KIAA1755: variants seen among roughly 807,000 people sequenced by gnomAD.
The protein encoded by KIAA1755 is KIAA1755.
Under a neutral mutation model 91.7 loss-of-function variants are expected in KIAA1755, and 68 were observed. The ratio of observed to expected loss-of-function variants is 0.74; its 90% CI spans 0.61 to 0.91. KIAA1755 has a LOEUF of 0.91. KIAA1755 is among the 40% of genes least tolerant of loss of function. KIAA1755 has a pLI of 0.00. For synonymous variants in KIAA1755, 610 were observed against 604.6 expected (o/e 1.01, Z -0.13); for missense variants, 1,535 against 1,494.4 (o/e 1.03, Z -0.45).
intron 4 of KIAA1755, among the ~76,000 whole-genome samples, chr20:38,235,682 G>A (rs2075948245): frequency 6.6e-6 from 1 of 152,214 alleles, no homozygotes; most frequent in Non-Finnish European, 1.5e-5. Context: ...ACAGCTGGAT[G>A]TAGCCTAGCG....
At chr20:38,225,605 G>T (rs759952501) in intron 8 of KIAA1755, 60 bp downstream of exon 8, 5 of 1,011,372 alleles carry the variant, frequency 4.9e-6, no homozygotes, top group South Asian at 3.8e-5. Context: ...TGGGACAGAA[G>T]AGTGAAGAGA....
chr20:38,223,187 C>T (rs2075693055), intron 9 of KIAA1755: 1 of 202,268 alleles, frequency 4.9e-6, no homozygotes, highest in Non-Finnish European at 1.0e-5. Flanking sequence ...TCAACTTAAA[C>T]TCCAGCTCTT....
intron 2 of KIAA1755, among the ~76,000 whole-genome samples, chr20:38,245,646 T>C (rs1352883180): frequency 6.6e-6 from 1 of 152,110 alleles, no homozygotes; most frequent in Non-Finnish European, 1.5e-5. Flanking sequence ...CAGGGCAGGC[T>C]CCCCAAGACC....
At chr20:38,254,689 G>T (rs990651596) in intron 1 of KIAA1755, among the ~76,000 whole-genome samples, 1 of 151,824 alleles carries the variant, frequency 6.6e-6, no homozygotes, top group African/African-American at 2.4e-5. Flanking sequence ...TAGGCACTGA[G>T]ACAGAAGGAT....
intron 5 of KIAA1755, 125 bp downstream of exon 5, chr20:38,231,077 C>A: frequency 9.4e-7 from 1 of 1,063,478 alleles, no homozygotes; most frequent in Non-Finnish European, 1.3e-6. Flanking sequence ...TGTCTGGGGA[C>A]TGGCTCTGTG....
In KIAA1755 at chr20:38,211,106, A is replaced by C. The variant is rs906154741; in HGVS notation, c.*1936T>G. On this transcript the variant is annotated 3_prime_UTR_variant, in exon 14 of 14. Coordinates refer to ENST00000279024, the MANE Select transcript of KIAA1755 (RefSeq NM_001029864.2). ...ATGTCTGGGGTAGGATTCCCTAGGA[A>C]GCCTTTTGACCGGCTCTGCTCATGG... 1 of 152,270 alleles carries C rather than the reference A, an allele frequency of 6.6e-6. No homozygotes were observed. Among genetic ancestry groups the C allele is most frequent in the Non-Finnish European group, 1.5e-5 (1 of 68,060 alleles). 9.4% of individuals were successfully genotyped at this position (152,270 alleles called of 1,614,324 possible).
chr20:38,250,518 G>GT (rs889031504), intron 1 of KIAA1755, among the ~76,000 whole-genome samples: 2 of 151,236 alleles, frequency 1.3e-5, no homozygotes, highest in Non-Finnish European at 2.9e-5. Flanking sequence ...GTGTCTGTGT[G>GT]TGTGTGTGTG....
At chr20:38,244,895 T>G (rs1327786613) in intron 2 of KIAA1755, among the ~76,000 whole-genome samples, 2 of 151,974 alleles carry the variant, frequency 1.3e-5, no homozygotes, top group Non-Finnish European at 2.9e-5. Context: ...GCCCGGCTAA[T>G]TTTTGTATTT....
At chr20:38,246,924 A>G (rs960087989) in intron 1 of KIAA1755, among the ~76,000 whole-genome samples, 1 of 151,846 alleles carries the variant, frequency 6.6e-6, no homozygotes, top group Non-Finnish European at 1.5e-5. Flanking sequence ...GTCCCACACC[A>G]CTTCCCCTCC....
Position 38,241,911 on chromosome 20 carries a change from G to C in KIAA1755, c.220C>G (p.Leu74Val). The C allele has an allele frequency of 6.2e-7, 1 of 1,613,086 alleles. No individual in the cohort carries two copies. Among genetic ancestry groups the C allele is most frequent in the African/African-American group, 1.3e-5 (1 of 75,052 alleles). ...EAACAPYSHC[L>V]FLHEGWPLCL... ...AGTGGCCAGCCCTCGTGTAAGAAGA[G>C]GCAGTGTGAGTAGGGAGCCTGTGGA... Residue 74 changes from leucine to valine, a missense_variant, in exon 3 of 14, where the codon CTC (leucine) becomes GTC (valine). Transcript: ENST00000279024.
rs1428084318 is a variant in KIAA1755 at position 38,213,664 on chromosome 20, TC to T, written c.2980del (p.Asp994ThrfsTer31). Reference protein sequence around the residue: ...LDKTSRVSPGDQRRLHRYLQR... With the variant: ...LDKTSRVSPGXQRRLHRYLQR... ...CAGGTAGCGGTGGAGGCGGCGCTGGTCCCCAGGACTGACCCTTGAGGTCTTG... is the reference window on the plus strand; with the variant it reads ...CAGGTAGCGGTGGAGGCGGCGCTGGTCCCAGGACTGACCCTTGAGGTCTTG... On this transcript the variant is annotated frameshift_variant, in exon 14 of 14. Transcript: ENST00000279024. LOFTEE classifies it low-confidence loss of function (END_TRUNC). 1.3e-5 allele frequency: 20 copies of T among 1,599,330 alleles called. No homozygotes were observed. Among genetic ancestry groups the T allele is most frequent in the Non-Finnish European group, 1.6e-5 (19 of 1,172,812 alleles).
Position 38,217,285 on chromosome 20 carries a change from T to C in KIAA1755, c.2869A>G (p.Thr957Ala), listed in dbSNP as rs2075563650. ...CAGAAGCGGTGCAGGTGGAGCAGCG[T>C]CTCGAGGTCCGTGCGTTGCCGCTCG... The part of the protein sequence containing the change: ...AAERQRTDLE[T>A]LLHLHRFCKR... Residue 957 changes from threonine to alanine, a missense_variant, in exon 13 of 14, where the codon ACG becomes GCG. Physicochemically the swap from Thr to Ala is moderately conservative, Grantham distance 58. Transcript: ENST00000279024. 1.2e-6 allele frequency: 2 copies of C among 1,606,278 alleles called. No homozygotes were observed. Among genetic ancestry groups the C allele is most frequent in the South Asian group, 2.2e-5 (2 of 89,286 alleles).
At chr20:38,213,779 G>A in intron 13 of KIAA1755, 36 bp from the exon 14 acceptor site, 6 of 1,384,788 alleles carry the variant, frequency 4.3e-6, no homozygotes, top group South Asian at 3.0e-5. Context: ...GGGGGCTCAG[G>A]CTGGAAGTGG....
At chr20:38,216,212 G>C (rs2075540889) in intron 13 of KIAA1755, among the ~76,000 whole-genome samples, 1 of 152,254 alleles carries the variant, frequency 6.6e-6, no homozygotes, top group African/African-American at 2.4e-5. Context: ...TGAAGCCCCA[G>C]ACTCCAAGGC....
At chr20:38,228,883 C>G (rs1284978201) in intron 5 of KIAA1755, among the ~76,000 whole-genome samples, 1 of 152,190 alleles carries the variant, frequency 6.6e-6, no homozygotes, top group South Asian at 2.1e-4. Flanking sequence ...AAACACCCTC[C>G]CTGGTTCAGC....
intron 4 of KIAA1755, among the ~76,000 whole-genome samples, chr20:38,237,180 A>G (rs890262928): frequency 6.6e-6 from 1 of 151,472 alleles, no homozygotes; most frequent in Admixed American, 6.5e-5. Context: ...TCAGACCAGA[A>G]GGAAGGTCAT....
At position 38,243,181 on chromosome 20, in the gene KIAA1755, T is replaced by C. The variant is rs1454779326; in HGVS notation, c.202-1252A>G. 1.8e-4 allele frequency among the ~76,000 whole-genome samples: 27 copies of C among 152,214 alleles called. 1 individual carries two copies. The highest frequency in any genetic ancestry group is 1.8e-3 in the Admixed American group (27 of 15,278). On this transcript the variant is annotated intron_variant, in intron 2 of 13. Coordinates refer to ENST00000279024, the MANE Select transcript of KIAA1755 (RefSeq NM_001029864.2). ...GACAATCTTATATAATTTGGATGTG[T>C]GTAGGGGAGATGTACAGAGAGTGAG...
chr20:38,221,651 G>A (rs972503788), intron 10 of KIAA1755, among the ~76,000 whole-genome samples: 1 of 152,148 alleles, frequency 6.6e-6, no homozygotes, highest in African/African-American at 2.4e-5. Flanking sequence ...TAAGTGAGCT[G>A]GTATTTGTAA....
intron 6 of KIAA1755, 58 bp from the exon 7 acceptor site, chr20:38,227,298 A>G: frequency 7.4e-7 from 1 of 1,343,228 alleles, no homozygotes; most frequent in Non-Finnish European, 1.1e-6. Flanking sequence ...AGCCTCACAC[A>G]CTTTGATTTC....
Sources: gnomAD v4.1 joint callset for allele counts (sites outside exome capture counted in the v4.1 genomes callset) on GRCh38, gnomAD v4.1.1 for gene constraint, MANE v1.5 for transcripts, NCBI Gene and HGNC (gene_info 2026-07-23, HGNC 2026-07-21) for gene names.